CYBA: variants seen among roughly 807,000 people sequenced by gnomAD.
CYBA encodes the protein cytochrome b-245 light chain.
In CYBA, 21 loss-of-function variants were observed where a neutral mutation model predicts 20.8. The observed-to-expected ratio is 1.01, with a 90% CI of 0.72 to 1.46. The LOEUF (loss-of-function observed/expected upper bound fraction) is 1.46, where lower values mean the gene tolerates loss of function less well. Among genes scored for constraint, CYBA ranks in the 40% most tolerant of loss-of-function variants. The pLI is 0.00. For synonymous variants in CYBA, 164 were observed against 127.5 expected, an observed-to-expected ratio of 1.29 and a Z score of -1.93; for missense variants, 344 against 287.0, an observed-to-expected ratio of 1.20 and a Z score of -1.43.
chr16:88,646,090 G>C, intron 5 of CYBA, 26 bp downstream of exon 5: 1 of 1,539,848 alleles, frequency 6.5e-7, no homozygotes, highest in Non-Finnish European at 8.8e-7. Context: ...GGGTGGCCGG[G>C]GCCGACCTCA....
intron 5 of CYBA, 149 bp downstream of exon 5, chr16:88,645,967 G>A (rs1406958586): frequency 2.0e-5 from 14 of 684,140 alleles, no homozygotes; most frequent in East Asian, 1.4e-4. Flanking sequence ...CGTCCCCGCC[G>A]TGCTGTGAGC....
chr16:88,645,669 G>A (rs1161292330), intron 5 of CYBA: 8 of 571,806 alleles, frequency 1.4e-5, no homozygotes, highest in East Asian at 8.7e-5. Context: ...TAAACCAAAC[G>A]CAGGTGTCGG....
intron 5 of CYBA, chr16:88,645,633 A>G (rs1907249549): frequency 8.4e-6 from 5 of 594,886 alleles, no homozygotes; most frequent in Non-Finnish European, 1.5e-5. Flanking sequence ...TGGGATGGGC[A>G]GCCTTCTAAC....
At position 88,646,185 on chromosome 16, in the gene CYBA, G is replaced by A. The variant is rs748221106; in HGVS notation, c.300C>T (p.Pro100=). Residue 100 remains proline, a synonymous_variant, in exon 5 of 6, where the codon CCC becomes CCT. Coordinates refer to ENST00000261623, the MANE Select transcript of CYBA (RefSeq NM_000101.4). ...GGATGGTGGCCAGCAGGAAGCCGGCGGGCACCGAGAGCCTGGGGGACAGCG... is the reference window on the plus strand; with the variant it reads ...GGATGGTGGCCAGCAGGAAGCCGGCAGGCACCGAGAGCCTGGGGGACAGCG... The part of the protein sequence containing the change: ...RAVLHLLLSV[P]AGFLLATILG... 1.9e-5 allele frequency: 30 copies of A among 1,554,792 alleles called. No homozygotes were observed. The highest frequency in any genetic ancestry group is 5.4e-5 in the African/African-American group (4 of 73,534).
In CYBA at chr16:88,643,524, C is replaced by G. The variant is rs1907162164; in HGVS notation, c.417G>C (p.Arg139=). The G allele has an allele frequency of 6.5e-7, 1 of 1,535,080 alleles. No homozygotes were observed. The highest frequency in any genetic ancestry group is 8.7e-7 in the Non-Finnish European group (1 of 1,146,774). ...EQWTPIEPKP[R]ERPQIGGTIK... ...TGGTGCCTCCGATCTGCGGCCGCTC[C>G]CGGGGCTTGGGCTCGATGGGCGTCC... The change falls in exon 6 of 6, where the codon CGG becomes CGC. Residue 139 remains arginine (R), a synonymous_variant. Transcript: ENST00000261623. This position sits in a 1 kb window ranked among gnomAD's most constrained non-coding sequence, Gnocchi z 4.3.
At position 88,643,635 on chromosome 16, in the gene CYBA, CG is replaced by C; in HGVS notation, c.370-65del. The C allele has an allele frequency of 7.0e-7, 1 of 1,420,600 alleles. No individual in the cohort carries two copies. Among genetic ancestry groups the C allele is most frequent in the Middle Eastern group, 2.4e-4 (1 of 4,116 alleles). 88.0% of individuals were successfully genotyped at this position (1,420,600 alleles called of 1,614,324 possible). On this transcript the variant is annotated intron_variant, in intron 5 of 5. Coordinates refer to ENST00000261623, the MANE Select transcript of CYBA (RefSeq NM_000101.4). This position sits in a 1 kb window ranked among gnomAD's most constrained non-coding sequence, Gnocchi z 4.3. ...CGCCCTCCCTCCCTCCCTCCCTCCC[CG>C]GAGGCCCACCCCGCTAGGGGCCCTG...
chr16:88,643,916 G>A lies in CYBA; in HGVS notation c.370-345C>T, dbSNP rs527888063. ...GCAGGGAAGGCAGGGAGGCAGGCCC[G>A]AGGTCCAGCAGGAGGGGTGGCCCAG... On this transcript the variant is annotated intron_variant, in intron 5 of 5. Transcript: ENST00000261623. The surrounding 1 kb of genome is among the most constrained non-coding windows in gnomAD (Gnocchi z 4.3). Among the ~76,000 whole-genome samples, 7 of 152,170 alleles carry A rather than the reference G, an allele frequency of 4.6e-5. No individual in the cohort carries two copies. The highest frequency in any genetic ancestry group is 1.0e-4 in the Non-Finnish European group (7 of 68,022).
At chr16:88,647,251 CAG>C (rs1597372576) in intron 2 of CYBA, 76 bp from the exon 3 acceptor site, 3 of 1,421,222 alleles carry the variant, frequency 2.1e-6, no homozygotes, top group Admixed American at 1.8e-5. Context: ...GAAGACAACA[CAG>C]AGAGGGGCCC....
At chr16:88,644,547 G>A (rs1013225224) in intron 5 of CYBA, among the ~76,000 whole-genome samples, 1 of 152,184 alleles carries the variant, frequency 6.6e-6, no homozygotes. Context: ...CAATCAGGCC[G>A]GGCGCGGTGG....
rs1567607787 is a variant in CYBA at position 88,643,575 on chromosome 16, C to CG, written c.370-5dup. 6 of 1,532,348 alleles carry CG rather than the reference C, an allele frequency of 3.9e-6. No homozygotes were observed. The South Asian group carries it at 7.1e-5, about 18-fold the overall frequency. The allele number at this position is 1,532,348 out of a possible 1,614,324, so 94.9% of individuals were successfully genotyped here. A position where few individuals can be genotyped will look rare whatever the true frequency, so the allele number is the denominator to read the frequency against. ...ACTGCTCGCCACGCACAGCCGCCTG[C>CG]GGGGCACTGAAGGGTTGAGCCGCGC... On this transcript the variant is annotated splice_polypyrimidine_tract_variant and splice_region_variant and intron_variant, in intron 5 of 5. Transcript: ENST00000261623. This position sits in a 1 kb window ranked among gnomAD's most constrained non-coding sequence, Gnocchi z 4.3.
intron 3 of CYBA, 103 bp downstream of exon 3, chr16:88,646,998 G>T: frequency 2.4e-6 from 3 of 1,244,210 alleles, no homozygotes; most frequent in Non-Finnish European, 3.4e-6. Context: ...CCAAAGGGTT[G>T]GTTCCGGAGC....
At chr16:88,647,923 C>T (rs1907347212) in intron 2 of CYBA, 122 bp downstream of exon 2, 1 of 997,926 alleles carries the variant, frequency 1.0e-6, no homozygotes, top group Admixed American at 2.0e-5. Flanking sequence ...CGTGCACAGC[C>T]CACCCTGTGT....
At chr16:88,645,468 C>T (rs1907245423) in intron 5 of CYBA, 3 of 698,630 alleles carry the variant, frequency 4.3e-6, no homozygotes, top group Non-Finnish European at 7.9e-6. Context: ...AGTCTGAGGG[C>T]TCTGTCCACC....
At chr16:88,645,940 GGCA>G in intron 5 of CYBA, 173 bp downstream of exon 5, 1 of 615,062 alleles carries the variant, frequency 1.6e-6, no homozygotes, top group Non-Finnish European at 2.9e-6. Flanking sequence ...CGCCAAAAAT[GGCA>G]GCAGCAACCG....
At chr16:88,647,887 G>T in intron 2 of CYBA, 158 bp downstream of exon 2, 1 of 711,338 alleles carries the variant, frequency 1.4e-6, no homozygotes, top group Non-Finnish European at 2.5e-6. Flanking sequence ...GAGGGGCCTG[G>T]CTGCTGGGGC....
chr16:88,646,952 A>T (rs1481002483), intron 3 of CYBA, 114 bp from the exon 4 acceptor site: 1 of 1,186,724 alleles, frequency 8.4e-7, no homozygotes, highest in African/African-American at 1.5e-5. Context: ...CACAAAACAC[A>T]CCGGGCAGGC....
intron 5 of CYBA, chr16:88,644,906 A>C (rs545032463): frequency 1.8e-6 from 1 of 550,022 alleles, no homozygotes; most frequent in African/African-American, 1.9e-5. Context: ...CTCAAGGGAG[A>C]AGAAACTCCA....
chr16:88,649,681 C>G (rs955144178), intron 1 of CYBA, among the ~76,000 whole-genome samples: 1 of 152,196 alleles, frequency 6.6e-6, no homozygotes, highest in East Asian at 1.9e-4. Context: ...CCCTGGGGCA[C>G]GCTCAGGAGA....
At position 88,644,821 on chromosome 16, in the gene CYBA, T is replaced by A. The variant is rs777965428; in HGVS notation, c.370-1250A>T. The A allele has an allele frequency of 1.3e-5, 4 of 301,650 alleles. No individual in the cohort carries two copies. The South Asian group carries it at 1.4e-4, about 11-fold the overall frequency. 18.7% of individuals were successfully genotyped at this position (301,650 alleles called of 1,614,324 possible). A position where few individuals can be genotyped will look rare whatever the true frequency, so the allele number is the denominator to read the frequency against. ...GCCTGGGCGATGGCGCGAGACTCCA[T>A]CTCAAAAAAAAAAGAAGAAAAAGAA... On this transcript the variant is annotated intron_variant, in intron 5 of 5. Coordinates refer to ENST00000261623, the MANE Select transcript of CYBA (RefSeq NM_000101.4).
Sources: allele counts gnomAD v4.1 joint callset (sites outside exome capture counted in the v4.1 genomes callset), GRCh38; gene constraint gnomAD v4.1.1; non-coding constraint Gnocchi (gnomAD v3.1); transcripts MANE v1.5; gene names NCBI Gene and HGNC (gene_info 2026-07-23, HGNC 2026-07-21).